XKR4: variants seen among roughly 807,000 people sequenced by gnomAD.
XKR4 encodes the protein XK-related protein 4.
A neutral mutation model predicts 53.9 loss-of-function variants in XKR4; 12 were observed. That is an observed-to-expected ratio of 0.22 (90% confidence interval 0.14 to 0.36). The LOEUF is 0.36. Among genes scored for constraint, XKR4 ranks in the 10% least tolerant of loss-of-function variants. XKR4 has a pLI of 1.00. For missense variants in XKR4, 799 were observed against 859.5 expected, an observed-to-expected ratio of 0.93 and a Z score of 0.88; for synonymous variants, 354 against 362.4, an observed-to-expected ratio of 0.98 and a Z score of 0.26.
intron 2 of XKR4, among the ~76,000 whole-genome samples, chr8:55,459,844 CTT>C (rs1032253562): frequency 2.0e-5 from 3 of 152,084 alleles, no homozygotes; most frequent in Admixed American, 2.0e-4. Context: ...GGTACAGTCA[CTT>C]TAGAAAACAG....
chr8:55,342,451 C>A (rs1803567364), intron 1 of XKR4, among the ~76,000 whole-genome samples: 1 of 152,112 alleles, frequency 6.6e-6, no homozygotes, highest in South Asian at 2.1e-4. Flanking sequence ...TGCTCCTCCC[C>A]TTTTTAAGCC....
intron 1 of XKR4, among the ~76,000 whole-genome samples, chr8:55,119,766 ATCT>A (rs1448787264): frequency 6.6e-5 from 10 of 152,180 alleles, no homozygotes; most frequent in African/African-American, 2.2e-4. Flanking sequence ...GACTTGAAAA[ATCT>A]TCTGAGCTTT....
Position 55,405,629 on chromosome 8 carries a change from T to C in XKR4, c.1006+47752T>C, listed in dbSNP as rs188638292. ...GTGAGGAATCCGCAGATTCCATTGA[T>C]GGTAGCACACTCTTGATACTCTTCA... On this transcript the variant is annotated intron_variant, in intron 2 of 2. Transcript: ENST00000327381. Among the ~76,000 whole-genome samples the C allele has an allele frequency of 4.6e-5, 7 of 152,342 alleles. No individual in the cohort carries two copies. In the East Asian group the frequency reaches 1.4e-3, roughly 29 times the overall value.
chr8:55,211,469 G>C (rs1201297745), intron 1 of XKR4, among the ~76,000 whole-genome samples: 1 of 152,216 alleles, frequency 6.6e-6, no homozygotes, highest in Non-Finnish European at 1.5e-5. Flanking sequence ...TAGGAAGGGA[G>C]TACTCAATAT....
At chr8:55,411,346 T>C (rs887952388) in intron 2 of XKR4, among the ~76,000 whole-genome samples, 2 of 152,196 alleles carry the variant, frequency 1.3e-5, no homozygotes, top group African/African-American at 4.8e-5. Context: ...ATTTGTATAG[T>C]GTGTAGCACA....
intron 2 of XKR4, among the ~76,000 whole-genome samples, chr8:55,456,484 A>C (rs1266677611): frequency 2.0e-5 from 3 of 152,216 alleles, no homozygotes; most frequent in Non-Finnish European, 4.4e-5. Context: ...ATTGACTCAG[A>C]GTAGACCTAG....
chr8:55,494,266 T>C (rs1252566072), intron 2 of XKR4, among the ~76,000 whole-genome samples: 1 of 152,236 alleles, frequency 6.6e-6, no homozygotes, highest in Admixed American at 6.5e-5. Flanking sequence ...AACATAGTGG[T>C]GCCCACAAGC....
At chr8:55,408,791 G>A (rs893065371) in intron 2 of XKR4, among the ~76,000 whole-genome samples, 15 of 152,076 alleles carry the variant, frequency 9.9e-5, no homozygotes, top group Non-Finnish European at 5.9e-5. Flanking sequence ...GGCAGATCAC[G>A]GGGTCAGGAG....
At chr8:55,180,767 G>A (rs757629223) in intron 1 of XKR4, among the ~76,000 whole-genome samples, 5 of 151,796 alleles carry the variant, frequency 3.3e-5, no homozygotes, top group Non-Finnish European at 7.4e-5. Flanking sequence ...TCCTGACCTC[G>A]AGTGTTCCAC....
At chr8:55,305,685 G>A (rs113368600) in intron 1 of XKR4, among the ~76,000 whole-genome samples, 6 of 152,214 alleles carry the variant, frequency 3.9e-5, no homozygotes, top group African/African-American at 1.4e-4. Context: ...ACACAGCACT[G>A]TATAAATATT....
At chr8:55,251,360 C>T (rs983863162) in intron 1 of XKR4, among the ~76,000 whole-genome samples, 11 of 152,232 alleles carry the variant, frequency 7.2e-5, no homozygotes, top group Non-Finnish European at 2.9e-5. Context: ...AGACAGCTTT[C>T]AGCTGCTGAA....
intron 1 of XKR4, among the ~76,000 whole-genome samples, chr8:55,140,899 T>C (rs1390281212): frequency 1.3e-5 from 2 of 152,248 alleles, no homozygotes; most frequent in African/African-American, 2.4e-5. Flanking sequence ...TCAGATGAAC[T>C]GTAGATGTTC....
At chr8:55,424,732 G>A (rs1804988651) in intron 2 of XKR4, among the ~76,000 whole-genome samples, 3 of 152,158 alleles carry the variant, frequency 2.0e-5, no homozygotes, top group Admixed American at 2.0e-4. Flanking sequence ...CCTTGAACCT[G>A]GCACGTGTTA....
At chr8:55,265,208 TCAGGAC>T (rs1209350025) in intron 1 of XKR4, among the ~76,000 whole-genome samples, 1 of 152,194 alleles carries the variant, frequency 6.6e-6, no homozygotes, top group African/African-American at 2.4e-5. Flanking sequence ...TGCACCATCA[TCAGGAC>T]CACTAGCAGT....
intron 2 of XKR4, among the ~76,000 whole-genome samples, chr8:55,375,508 C>A (rs1298957710): frequency 6.6e-6 from 1 of 152,136 alleles, no homozygotes; most frequent in African/African-American, 2.4e-5. Flanking sequence ...GAGCTCCTTG[C>A]CCTCTAGAGC....
At chr8:55,122,531 G>A (rs1392258492) in intron 1 of XKR4, among the ~76,000 whole-genome samples, 1 of 152,190 alleles carries the variant, frequency 6.6e-6, no homozygotes, top group South Asian at 2.1e-4. Context: ...CCTCTCAGGA[G>A]TGAAAATAAT....
intron 2 of XKR4, among the ~76,000 whole-genome samples, chr8:55,365,623 C>A (rs1217068923): frequency 6.7e-6 from 1 of 149,006 alleles, no homozygotes; most frequent in African/African-American, 2.5e-5. Context: ...AGGAGAATCG[C>A]TTGAACCCGG....
chr8:55,391,041 G>A (rs1357703607), intron 2 of XKR4, among the ~76,000 whole-genome samples: 2 of 152,094 alleles, frequency 1.3e-5, no homozygotes, highest in African/African-American at 4.8e-5. Context: ...AAAAAAAATG[G>A]TTTGCATTCC....
At chr8:55,348,721 C>CACACACAG (rs1426209046) in intron 1 of XKR4, among the ~76,000 whole-genome samples, 3 of 150,040 alleles carry the variant, frequency 2.0e-5, no homozygotes, top group African/African-American at 7.4e-5. Context: ...CACACACACA[C>CACACACAG]AGAGAGAGAG....
Sources: allele counts gnomAD v4.1 joint callset (sites outside exome capture counted in the v4.1 genomes callset), GRCh38; gene constraint gnomAD v4.1.1; transcripts MANE v1.5; gene names NCBI Gene and HGNC (gene_info 2026-07-23, HGNC 2026-07-21).